KAZN: variants seen among roughly 807,000 people sequenced by gnomAD.
The protein encoded by KAZN is kazrin, periplakin interacting protein.
Under a neutral mutation model 87.4 loss-of-function variants are expected in KAZN, and 40 were observed. That is an observed-to-expected ratio of 0.46 (90% confidence interval 0.36 to 0.60). KAZN has a LOEUF of 0.60. Among genes scored for constraint, KAZN ranks in the 20% least tolerant of loss-of-function variants. KAZN has a pLI of 0.00. For synonymous variants in KAZN, 466 were observed against 458.3 expected (o/e 1.02, Z -0.22); for missense variants, 898 against 1,073.9 (o/e 0.84, Z 2.29).
chr1:15,112,356 TG>T, intron 13 of KAZN, 70 bp from the exon 14 acceptor site: 1 of 745,090 alleles, frequency 1.3e-6, no homozygotes, highest in South Asian at 1.5e-5. Context: ...TGTGTGTGTG[TG>T]TGTGTGTGTG....
intron 1 of KAZN, among the ~76,000 whole-genome samples, chr1:13,966,888 A>C (rs1570409068): frequency 6.6e-6 from 1 of 152,312 alleles, no homozygotes; most frequent in East Asian, 1.9e-4. Context: ...TAAATGCACT[A>C]TCAGAAAATT....
At chr1:14,327,791 A>C (rs1031223264) in intron 2 of KAZN, among the ~76,000 whole-genome samples, 4 of 152,204 alleles carry the variant, frequency 2.6e-5, no homozygotes, top group African/African-American at 9.6e-5. Flanking sequence ...CTAATCACGC[A>C]TTCTCCATAC....
At chr1:14,222,351 C>CT (rs2100504778) in intron 2 of KAZN, among the ~76,000 whole-genome samples, 1 of 152,284 alleles carries the variant, frequency 6.6e-6, no homozygotes, top group East Asian at 1.9e-4. Flanking sequence ...TCAAGAGCCT[C>CT]TTTCCACTCT....
intron 13 of KAZN, among the ~76,000 whole-genome samples, chr1:15,110,100 T>G (rs1641473671): frequency 7.1e-6 from 1 of 141,780 alleles, no homozygotes; most frequent in Non-Finnish European, 1.6e-5. Flanking sequence ...TATGTGTGTA[T>G]GTGCGTATTT....
intron 1 of KAZN, among the ~76,000 whole-genome samples, chr1:14,725,887 T>C (rs901156520): frequency 6.6e-6 from 1 of 152,174 alleles, no homozygotes; most frequent in African/African-American, 2.4e-5. Context: ...TGGACCACCC[T>C]TTGAGTAGCA....
intron 1 of KAZN, among the ~76,000 whole-genome samples, chr1:14,114,862 AT>A (rs1158111675): frequency 6.6e-6 from 1 of 152,180 alleles, no homozygotes; most frequent in African/African-American, 2.4e-5. Flanking sequence ...TACCGTTCCC[AT>A]TTATAAATGA....
At position 15,070,795 on chromosome 1, in the gene KAZN, C is replaced by T. The variant is rs1025374686; in HGVS notation, c.1222+5042C>T. 3.0e-4 allele frequency among the ~76,000 whole-genome samples: 45 copies of T among 151,794 alleles called. No individual in the cohort carries two copies. The East Asian group carries it at 7.0e-3, about 24-fold the overall frequency. On this transcript the variant is annotated intron_variant, in intron 8 of 14. Coordinates refer to ENST00000376030, the MANE Select transcript of KAZN (RefSeq NM_201628.3). ...TGTCGAGGCTGCAATGAGCCGAGAT[C>T]GAGCCACTGCACTCCAGCCTGGGCG...
At chr1:14,383,413 A>T (rs1381256239) in intron 2 of KAZN, among the ~76,000 whole-genome samples, 1 of 152,024 alleles carries the variant, frequency 6.6e-6, no homozygotes, top group African/African-American at 2.4e-5. Flanking sequence ...TGAATGGTAA[A>T]GCCTAGGTTT....
At chr1:14,258,477 C>G (rs1276181784) in intron 2 of KAZN, among the ~76,000 whole-genome samples, 1 of 150,830 alleles carries the variant, frequency 6.6e-6, no homozygotes, top group Non-Finnish European at 1.5e-5. Context: ...CCTCGTGATC[C>G]ACCTGCCTCG....
chr1:14,980,565 C>T (rs563465478), intron 2 of KAZN, among the ~76,000 whole-genome samples: 1 of 152,312 alleles, frequency 6.6e-6, no homozygotes, highest in South Asian at 2.1e-4. Flanking sequence ...CTCCTTGACC[C>T]AGAAACACAT....
intron 2 of KAZN, among the ~76,000 whole-genome samples, chr1:14,988,016 C>G (rs989521268): frequency 2.0e-5 from 3 of 152,122 alleles, no homozygotes; most frequent in African/African-American, 7.2e-5. Flanking sequence ...CCTGAGGGTA[C>G]TAGGGAGCCA....
intron 2 of KAZN, among the ~76,000 whole-genome samples, chr1:14,400,440 A>G (rs1000753329): frequency 3.3e-5 from 5 of 152,228 alleles, no homozygotes; most frequent in South Asian, 2.1e-4. Flanking sequence ...TTTCTCTCAC[A>G]GCACATTCAT....
In KAZN at chr1:14,882,763, G is replaced by A. The variant is rs1374518670; in HGVS notation, c.227-77921G>A. On this transcript the variant is annotated intron_variant, in intron 1 of 14. Coordinates refer to ENST00000376030, the MANE Select transcript of KAZN (RefSeq NM_201628.3). Reference sequence around the variant, plus strand: ...TTAAAAGTTCATTGGCATTTATGGAGCATCTAGAAACTTCCAGATGCTGTT... The same window carrying A: ...TTAAAAGTTCATTGGCATTTATGGAACATCTAGAAACTTCCAGATGCTGTT... 3.9e-5 allele frequency among the ~76,000 whole-genome samples: 6 copies of A among 152,078 alleles called. No homozygotes were observed. The Admixed American group carries it at 3.9e-4, about 10-fold the overall frequency.
chr1:14,032,115 C>T (rs2101338405), intron 1 of KAZN, among the ~76,000 whole-genome samples: 1 of 152,222 alleles, frequency 6.6e-6, no homozygotes, highest in Admixed American at 6.5e-5. Context: ...AAACAACTTC[C>T]CATCCCCTGG....
chr1:14,062,928 A>G (rs1049200516), intron 1 of KAZN, among the ~76,000 whole-genome samples: 2 of 152,238 alleles, frequency 1.3e-5, no homozygotes, highest in African/African-American at 4.8e-5. Context: ...GTCTGGCCAC[A>G]TCTGTCTCCA....
At chr1:14,272,294 C>T (rs1391070181) in intron 2 of KAZN, among the ~76,000 whole-genome samples, 2 of 152,120 alleles carry the variant, frequency 1.3e-5, no homozygotes, top group Admixed American at 6.5e-5. Context: ...GATATATTCT[C>T]CTCCTGGCGA....
rs371438814 is a variant in KAZN at position 14,972,415 on chromosome 1, G to A, written c.418+11540G>A. On this transcript the variant is annotated intron_variant, in intron 2 of 14. Coordinates refer to ENST00000376030, the MANE Select transcript of KAZN (RefSeq NM_201628.3). ...GCTCAGTTGAGCACAGGTCCAAGGC[G>A]GCTGTGGACACAGGATCAAGTCTGA... Among the ~76,000 whole-genome samples, 36 of 152,326 alleles carry A rather than the reference G, an allele frequency of 2.4e-4. No homozygotes were observed. In the South Asian group the frequency reaches 6.0e-3, roughly 25 times the overall value.
intron 2 of KAZN, among the ~76,000 whole-genome samples, chr1:15,015,616 T>C (rs991720211): frequency 6.6e-6 from 1 of 152,122 alleles, no homozygotes; most frequent in Non-Finnish European, 1.5e-5. Context: ...CCCTCCCTCC[T>C]CCAGTGGGAC....
At chr1:14,557,640 GTGT>G (rs1557799116) in intron 2 of KAZN, among the ~76,000 whole-genome samples, 3 of 141,580 alleles carry the variant, frequency 2.1e-5, no homozygotes, top group Non-Finnish European at 4.6e-5. Context: ...GTGTGTGTGT[GTGT>G]GTGTGTGTGT....
Sources: allele counts gnomAD v4.1 joint callset (sites outside exome capture counted in the v4.1 genomes callset), GRCh38; gene constraint gnomAD v4.1.1; transcripts MANE v1.5; gene names NCBI Gene and HGNC (gene_info 2026-07-23, HGNC 2026-07-21).